The following PHACTR1 variants were observed in gnomAD, a reference collection of about 807,000 sequenced individuals.
PHACTR1 encodes the protein RPEL repeat containing 1.
A neutral mutation model predicts 69.2 loss-of-function variants in PHACTR1; 16 were observed. The ratio of observed to expected loss-of-function variants is 0.23; its 90% confidence interval spans 0.16 to 0.35. The LOEUF (loss-of-function observed/expected upper bound fraction) is 0.35, where lower values mean the gene tolerates loss of function less well. Among genes scored for constraint, PHACTR1 ranks in the 10% least tolerant of loss-of-function variants. The pLI, the probability that PHACTR1 is intolerant of heterozygous loss-of-function variation, is 1.00. For missense variants in PHACTR1, 510 were observed against 734.7 expected (o/e 0.69, Z 3.54); for synonymous variants, 312 against 284.5 (o/e 1.10, Z -0.97).
At chr6:12,746,215 T>A (rs1474771445) in intron 3 of PHACTR1, among the ~76,000 whole-genome samples, 1 of 152,080 alleles carries the variant, frequency 6.6e-6, no homozygotes, top group East Asian at 1.9e-4. Context: ...AAATGGAAGA[T>A]AACAATTAGA....
intron 5 of PHACTR1, among the ~76,000 whole-genome samples, chr6:13,087,856 G>A (rs112227396): frequency 0.088 from 13,343 of 151,664 alleles, 1,933 homozygotes; most frequent in African/African-American, 0.3. Context: ...CGTGCTGCCC[G>A]GGCTAATCTC....
intron 4 of PHACTR1, among the ~76,000 whole-genome samples, chr6:12,778,177 T>C (rs1332131071): frequency 1.3e-5 from 2 of 152,242 alleles, no homozygotes; most frequent in Non-Finnish European, 2.9e-5. Flanking sequence ...ATAACAAACA[T>C]GTTAAGCATG....
intron 6 of PHACTR1, 135 bp downstream of exon 6, chr6:13,160,419 T>C (rs1201878462): frequency 1.3e-6 from 1 of 781,716 alleles, no homozygotes; most frequent in East Asian, 2.6e-5. Flanking sequence ...CAGACAGTTC[T>C]AGAGAGAAAA....
intron 4 of PHACTR1, among the ~76,000 whole-genome samples, chr6:13,043,224 C>A (rs547369796): frequency 2.6e-5 from 4 of 152,072 alleles, no homozygotes; most frequent in African/African-American, 9.7e-5. Context: ...GTCAGGGGTG[C>A]GAGACCAGCC....
intron 4 of PHACTR1, among the ~76,000 whole-genome samples, chr6:12,824,339 T>G (rs1776550543): frequency 1.3e-5 from 2 of 152,202 alleles, no homozygotes; most frequent in African/African-American, 4.8e-5. Flanking sequence ...CATTATATAT[T>G]ACAATATAAC....
intron 4 of PHACTR1, among the ~76,000 whole-genome samples, chr6:12,930,138 G>C (rs1458139315): frequency 6.6e-6 from 1 of 151,600 alleles, no homozygotes; most frequent in Non-Finnish European, 1.5e-5. Context: ...TGACCTCCTT[G>C]GCTCAAGCGA....
At chr6:12,971,008 G>A (rs1794136869) in intron 4 of PHACTR1, among the ~76,000 whole-genome samples, 1 of 152,182 alleles carries the variant, frequency 6.6e-6, no homozygotes, top group Non-Finnish European at 1.5e-5. Flanking sequence ...CTGGGTAGTA[G>A]TGATAAGTAG....
chr6:12,767,337 G>C (rs1320723266), intron 4 of PHACTR1, among the ~76,000 whole-genome samples: 1 of 152,198 alleles, frequency 6.6e-6, no homozygotes, highest in Non-Finnish European at 1.5e-5. Flanking sequence ...TACTTGACTA[G>C]ATCAGAACTT....
chr6:13,081,925 C>G (rs531441513), intron 5 of PHACTR1, among the ~76,000 whole-genome samples: 1 of 152,190 alleles, frequency 6.6e-6, no homozygotes, highest in East Asian at 1.9e-4. Flanking sequence ...AATACTAGAA[C>G]AAGTGGTGTC....
intron 3 of PHACTR1, among the ~76,000 whole-genome samples, chr6:12,730,846 A>T (rs1763414079): frequency 6.6e-6 from 1 of 152,138 alleles, no homozygotes; most frequent in Admixed American, 6.5e-5. Flanking sequence ...AAGTGAGAAC[A>T]TTTGGTATTT....
intron 3 of PHACTR1, among the ~76,000 whole-genome samples, chr6:12,735,761 C>A (rs964863187): frequency 2.6e-5 from 4 of 152,326 alleles, no homozygotes; most frequent in African/African-American, 9.6e-5. Context: ...TGGCTTCCAT[C>A]TCTTTGGGAG....
chr6:12,800,904 A>AG (rs1773619399), intron 4 of PHACTR1, among the ~76,000 whole-genome samples: 1 of 151,794 alleles, frequency 6.6e-6, no homozygotes, highest in Non-Finnish European at 1.5e-5. Flanking sequence ...AAAAAGAAAA[A>AG]AAAAAGAAGG....
chr6:13,132,075 T>G (rs1182705075), intron 5 of PHACTR1, among the ~76,000 whole-genome samples: 1 of 152,158 alleles, frequency 6.6e-6, no homozygotes, highest in Non-Finnish European at 1.5e-5. Flanking sequence ...AACAATTGAC[T>G]CTCATCTCAG....
intron 4 of PHACTR1, among the ~76,000 whole-genome samples, chr6:12,760,597 T>C (rs2127610251): frequency 6.6e-6 from 1 of 152,050 alleles, no homozygotes; most frequent in East Asian, 1.9e-4. Context: ...AACACAACCT[T>C]CCAGTTTGGG....
At chr6:12,834,863 A>G (rs1198217338) in intron 4 of PHACTR1, among the ~76,000 whole-genome samples, 1 of 152,060 alleles carries the variant, frequency 6.6e-6, no homozygotes, top group African/African-American at 2.4e-5. Context: ...AGAACAATGT[A>G]GAACATTCTA....
At chr6:12,999,719 C>T (rs760892393) in intron 4 of PHACTR1, among the ~76,000 whole-genome samples, 47 of 152,132 alleles carry the variant, frequency 3.1e-4, no homozygotes, top group Non-Finnish European at 5.9e-4. Flanking sequence ...TATTAATGCT[C>T]GCAAATGCAT....
intron 8 of PHACTR1, among the ~76,000 whole-genome samples, chr6:13,210,637 A>G (rs548702421): frequency 6.6e-6 from 1 of 152,260 alleles, no homozygotes; most frequent in South Asian, 2.1e-4. Context: ...TTCATGCCTT[A>G]TCTGTAAAAT....
In PHACTR1 at chr6:12,924,723, C is replaced by T. The variant is rs140219427; in HGVS notation, c.251-128642C>T. The stretch of plus-strand genomic sequence containing the variant: ...CCAGGAGGCAGAGCTTGCAGTGAGC[C>T]GAGATCACACCACTGCACTCCAGCC... On this transcript the variant is annotated intron_variant, in intron 4 of 14. Transcript: ENST00000332995. Among the ~76,000 whole-genome samples, 913 of 148,860 alleles carry T rather than the reference C, an allele frequency of 6.1e-3. 9 individuals are homozygous for T. The highest frequency in any genetic ancestry group is 0.022 in the African/African-American group (872 of 40,286).
intron 4 of PHACTR1, among the ~76,000 whole-genome samples, chr6:12,934,778 G>T (rs1789253490): frequency 6.6e-6 from 1 of 151,958 alleles, no homozygotes; most frequent in Non-Finnish European, 1.5e-5. Context: ...AGAGGTTGCG[G>T]TGAGCCAAGA....
Sources: allele counts gnomAD v4.1 joint callset (sites outside exome capture counted in the v4.1 genomes callset), GRCh38; gene constraint gnomAD v4.1.1; transcripts MANE v1.5; gene names NCBI Gene and HGNC (gene_info 2026-07-23, HGNC 2026-07-21).